COL5A2: variants seen among roughly 807,000 people sequenced by gnomAD.
COL5A2 encodes the protein collagen alpha-2(V) chain.
Under a neutral mutation model 208.2 loss-of-function variants are expected in COL5A2, and 23 were observed. That is an observed-to-expected ratio of 0.11 (90% CI 0.08 to 0.16). The LOEUF (loss-of-function observed/expected upper bound fraction) is 0.16. COL5A2 is among the 10% of genes least tolerant of loss of function. The pLI is 1.00. For synonymous variants in COL5A2, 625 were observed against 628.5 expected, an observed-to-expected ratio of 0.99 and a Z score of 0.08; for missense variants, 1,590 against 1,956.4, an observed-to-expected ratio of 0.81 and a Z score of 3.53.
intron 1 of COL5A2, among the ~76,000 whole-genome samples, chr2:189,114,346 A>G (rs114876770): frequency 0.017 from 2,603 of 152,320 alleles, 65 homozygotes; most frequent in African/African-American, 0.06. Context: ...TCTACATGGT[A>G]GTTGTACACC....
the COL5A2 span, among the ~76,000 whole-genome samples, chr2:189,291,591 G>A: frequency 1.3e-5 from 2 of 151,976 alleles, no homozygotes; most frequent in Non-Finnish European, 2.9e-5. Context: ...TTCTTTCAGA[G>A]TAGGTGTTAC....
the COL5A2 span, among the ~76,000 whole-genome samples, chr2:189,264,917 G>T: frequency 6.6e-6 from 1 of 152,088 alleles, no homozygotes. Flanking sequence ...TTCAGAAAAA[G>T]ACCTACTGGA....
the COL5A2 span, among the ~76,000 whole-genome samples, chr2:189,383,547 A>C: frequency 1.3e-3 from 193 of 152,318 alleles, no homozygotes; most frequent in Non-Finnish European, 1.8e-3. Context: ...AGACAAGAAA[A>C]GAAAATTATT....
chr2:189,053,610 G>A lies in COL5A2; in HGVS notation c.2500-133C>T, dbSNP rs968269008. 19 of 872,220 alleles carry A rather than the reference G, an allele frequency of 2.2e-5. No homozygotes were observed. The Admixed American group carries it at 4.4e-4, about 20-fold the overall frequency. 54.0% of individuals were successfully genotyped at this position (872,220 alleles called of 1,614,324 possible). A position where few individuals can be genotyped will look rare whatever the true frequency, so the allele number is the denominator to read the frequency against. ...AAATTACACATATTGCTTAAGGAAG[G>A]TCCTTAAGGATTATATAAAGATATA... On this transcript the variant is annotated intron_variant, in intron 37 of 53. Transcript: ENST00000374866.
intron 7 of COL5A2, among the ~76,000 whole-genome samples, chr2:189,091,839 T>A (rs1686792644): frequency 6.6e-6 from 1 of 152,110 alleles, no homozygotes; most frequent in Admixed American, 6.5e-5. Flanking sequence ...TTACTTCAAG[T>A]AAAAAAACTA....
At chr2:189,148,600 T>C (rs576458021) in intron 1 of COL5A2, among the ~76,000 whole-genome samples, 1 of 152,156 alleles carries the variant, frequency 6.6e-6, no homozygotes, top group South Asian at 2.1e-4. Context: ...TAAACATGAG[T>C]CCATATTGCC....
chr2:189,340,712 A>T, the COL5A2 span, among the ~76,000 whole-genome samples: 1 of 152,216 alleles, frequency 6.6e-6, no homozygotes, highest in African/African-American at 2.4e-5. Flanking sequence ...TGTGTCTCAC[A>T]AAAGCAGCTC....
chr2:189,149,307 T>A (rs1688100101), intron 1 of COL5A2, among the ~76,000 whole-genome samples: 1 of 152,210 alleles, frequency 6.6e-6, no homozygotes. Context: ...TAAGGTTCTA[T>A]AAACTTCAAA....
chr2:189,094,704 T>C lies in COL5A2; in HGVS notation c.457-2284A>G, dbSNP rs1303662336. Among the ~76,000 whole-genome samples, 3 of 143,298 alleles carry C rather than the reference T, an allele frequency of 2.1e-5. No homozygotes were observed. The East Asian group carries it at 6.2e-4, about 30-fold the overall frequency. The allele number at this position is 143,298 out of a possible 152,430, so 94.0% of individuals were successfully genotyped here. On this transcript the variant is annotated intron_variant, in intron 6 of 53. Transcript: ENST00000374866. ...TTCCCATTTTACAGATCAAGAAACA[T>C]ACCAATAGTGGTTAAGTGTCATGTG... is the stretch of plus-strand genomic sequence containing the variant.
At chr2:189,177,513 G>A (rs1002715913) in intron 1 of COL5A2, among the ~76,000 whole-genome samples, 2 of 152,124 alleles carry the variant, frequency 1.3e-5, no homozygotes, top group South Asian at 2.1e-4. Flanking sequence ...GGGCAATGAC[G>A]ACTTTCTTTT....
chr2:189,036,952 G>T, intron 51 of COL5A2, 149 bp from the exon 52 acceptor site: 2 of 670,668 alleles, frequency 3.0e-6, no homozygotes, highest in Non-Finnish European at 2.6e-6. Context: ...AAAAGTAACC[G>T]GTATGCATTG....
At chr2:189,217,127 G>A (rs1028878165) in intron 1 of COL5A2, among the ~76,000 whole-genome samples, 28 of 152,120 alleles carry the variant, frequency 1.8e-4, no homozygotes, top group African/African-American at 6.8e-4. Flanking sequence ...ATTAGTTACA[G>A]ATAATGAAAC....
chr2:189,233,089 C>T, the COL5A2 span, among the ~76,000 whole-genome samples: 8 of 151,596 alleles, frequency 5.3e-5, no homozygotes, highest in African/African-American at 1.9e-4. Flanking sequence ...AGAGTTTTAT[C>T]AAAATAGAGC....
chr2:189,421,938 T>C, the COL5A2 span, among the ~76,000 whole-genome samples: 5 of 152,186 alleles, frequency 3.3e-5, no homozygotes, highest in Non-Finnish European at 4.4e-5. Flanking sequence ...TCCAAGCTTA[T>C]GATGCTCCCT....
intron 3 of COL5A2, among the ~76,000 whole-genome samples, chr2:189,103,385 T>G (rs73978885): frequency 4.7e-4 from 71 of 152,130 alleles, no homozygotes; most frequent in Admixed American, 2.9e-3. Flanking sequence ...TTATCATGAA[T>G]GTGTAGCATT....
chr2:189,249,943 C>T, the COL5A2 span, among the ~76,000 whole-genome samples: 194 of 152,326 alleles, frequency 1.3e-3, 5 homozygotes, highest in South Asian at 0.037. Flanking sequence ...GGTGATCCCC[C>T]GGCCTCGGCA....
At chr2:189,122,346 G>A (rs138206072) in intron 1 of COL5A2, among the ~76,000 whole-genome samples, 10 of 152,278 alleles carry the variant, frequency 6.6e-5, no homozygotes, top group Non-Finnish European at 1.3e-4. Flanking sequence ...ATTTGAGGTG[G>A]TGGGGGTAAG....
At chr2:189,290,327 T>A in the COL5A2 span, among the ~76,000 whole-genome samples, 3 of 152,130 alleles carry the variant, frequency 2.0e-5, no homozygotes, top group South Asian at 4.1e-4. Flanking sequence ...TTAAGCAACA[T>A]ATGACTGTAC....
chr2:189,276,607 T>A, the COL5A2 span, among the ~76,000 whole-genome samples: 3 of 152,210 alleles, frequency 2.0e-5, no homozygotes. Context: ...AATTGCTCAG[T>A]TATGAGTCAC....
Sources: allele counts gnomAD v4.1 joint callset (sites outside exome capture counted in the v4.1 genomes callset), GRCh38; gene constraint gnomAD v4.1.1; transcripts MANE v1.5; gene names NCBI Gene and HGNC (gene_info 2026-07-23, HGNC 2026-07-21).